TVP23A: variants seen among roughly 807,000 people sequenced by gnomAD.
TVP23A encodes the protein Golgi apparatus membrane protein TVP23 homolog A.
A neutral mutation model predicts 31.7 loss-of-function variants in TVP23A; 21 were observed. The ratio of observed to expected loss-of-function variants is 0.66; its 90% CI spans 0.47 to 0.95. TVP23A has a LOEUF of 0.95. TVP23A is among the 40% of genes least tolerant of loss of function. The pLI is 0.00. For synonymous variants in TVP23A, 104 were observed against 96.0 expected (o/e 1.08, Z -0.49); for missense variants, 279 against 255.6 (o/e 1.09, Z -0.62).
At chr16:10,806,650 T>C (rs769071552) in intron 2 of TVP23A, among the ~76,000 whole-genome samples, 40 of 152,132 alleles carry the variant, frequency 2.6e-4, no homozygotes, top group Non-Finnish European at 1.8e-4. Context: ...TACAGGCGCC[T>C]GCCATCACGT....
intron 2 of TVP23A, among the ~76,000 whole-genome samples, chr16:10,794,540 G>C (rs2033280067): frequency 6.6e-6 from 1 of 152,230 alleles, no homozygotes; most frequent in South Asian, 2.1e-4. Context: ...ATGAGCCAGA[G>C]AAAATAAGTG....
At chr16:10,783,955 G>C (rs546532103) in intron 2 of TVP23A, among the ~76,000 whole-genome samples, 1 of 152,164 alleles carries the variant, frequency 6.6e-6, no homozygotes, top group Non-Finnish European at 1.5e-5. Context: ...TGCATAGGTG[G>C]AGCAGAGGGG....
intron 2 of TVP23A, among the ~76,000 whole-genome samples, chr16:10,807,186 A>C (rs1259304464): frequency 6.6e-6 from 1 of 152,132 alleles, no homozygotes; most frequent in African/African-American, 2.4e-5. Context: ...AACAAAGAAA[A>C]ACTAAAAATC....
intron 2 of TVP23A, among the ~76,000 whole-genome samples, chr16:10,782,549 C>T (rs1408555185): frequency 6.6e-6 from 1 of 152,178 alleles, no homozygotes; most frequent in Non-Finnish European, 1.5e-5. Flanking sequence ...GTCTCCCAGG[C>T]TGGAGTGCAG....
exon 9 of TVP23A, chr16:10,761,408 CA>C (rs760375953): frequency 1.2e-6 from 2 of 1,614,136 alleles, no homozygotes; most frequent in South Asian, 2.2e-5. Flanking sequence ...ACTTCTGCCG[CA>C]AGGTGAAGCT....
At chr16:10,803,918 T>G (rs973794686) in intron 2 of TVP23A, among the ~76,000 whole-genome samples, 5 of 152,224 alleles carry the variant, frequency 3.3e-5, no homozygotes, top group Non-Finnish European at 7.3e-5. Flanking sequence ...ACCTTGTAAA[T>G]ATACTAAAAC....
intron 2 of TVP23A, among the ~76,000 whole-genome samples, chr16:10,814,724 CA>C (rs1483987971): frequency 1.3e-5 from 2 of 152,220 alleles, no homozygotes; most frequent in African/African-American, 4.8e-5. Flanking sequence ...ATTTGTCCCT[CA>C]GGCGCCCTGG....
At chr16:10,802,518 G>A (rs1054992118) in intron 2 of TVP23A, among the ~76,000 whole-genome samples, 69 of 152,144 alleles carry the variant, frequency 4.5e-4, no homozygotes, top group Middle Eastern at 3.4e-3. Context: ...GAGCTCAAGC[G>A]ATCCTCTCGC....
intron 2 of TVP23A, among the ~76,000 whole-genome samples, chr16:10,800,829 A>C (rs1025843859): frequency 6.6e-6 from 1 of 151,812 alleles, no homozygotes; most frequent in Admixed American, 6.6e-5. Context: ...ACTAAAAATA[A>C]TTTTTTAAAA....
chr16:10,766,789 A>G lies in TVP23A; in HGVS notation c.*2313T>C, dbSNP rs1231292343. The G allele has an allele frequency of 1.0e-5, 4 of 397,222 alleles. No homozygotes were observed. Among genetic ancestry groups the G allele is most frequent in the Admixed American group, 4.4e-5 (1 of 22,704 alleles). The allele number at this position is 397,222 out of a possible 1,614,324, so 24.6% of individuals were successfully genotyped here. On this transcript the variant is annotated 3_prime_UTR_variant, in exon 8 of 8. Coordinates refer to ENST00000299866, the MANE Select transcript of TVP23A (RefSeq NM_001079512.4). The surrounding 1 kb of genome is among the most constrained non-coding windows in gnomAD (Gnocchi z 4.8). The stretch of plus-strand genomic sequence containing the variant: ...CCCATTACAGAGTTTTTGTGTTTAA[A>G]TACCCTCTACTTGAGGTACGCCCTA...
In TVP23A at chr16:10,806,107, C is replaced by T. The variant is rs527522552; in HGVS notation, c.89+11996G>A. On this transcript the variant is annotated intron_variant, in intron 2 of 7. Transcript: ENST00000299866. Reference sequence around the variant, plus strand: ...CCTTAATCCCTAGCACTTTGGGAGGCTGAGGCGGATGGATTGCTGGAGGTC... The same window carrying T: ...CCTTAATCCCTAGCACTTTGGGAGGTTGAGGCGGATGGATTGCTGGAGGTC... Among the ~76,000 whole-genome samples the T allele has an allele frequency of 6.6e-5, 10 of 152,296 alleles. No individual in the cohort carries two copies. In the East Asian group the frequency reaches 1.9e-3, roughly 29 times the overall value.
At chr16:10,757,781 A>G (rs1900657539), downstream of TVP23A, 12 of 1,511,318 alleles carry the variant, frequency 7.9e-6, no homozygotes, top group Non-Finnish European at 1.1e-5. This position sits in a 1 kb window ranked among gnomAD's most constrained non-coding sequence, Gnocchi z 4.1. Context: ...TGGGCAACAT[A>G]GCAAGACCCC....
intron 2 of TVP23A, among the ~76,000 whole-genome samples, chr16:10,816,078 A>T (rs929254820): frequency 6.6e-6 from 1 of 152,072 alleles, no homozygotes; most frequent in African/African-American, 2.4e-5. Flanking sequence ...TTTTTAAAAA[A>T]TTAGCCTGGC....
chr16:10,762,081 G>C (rs1425695478), downstream of TVP23A: 1 of 484,652 alleles, frequency 2.1e-6, no homozygotes, highest in Non-Finnish European at 3.7e-6. Flanking sequence ...CTCAGGCAGA[G>C]GGGTGAGGCC....
intron 2 of TVP23A, among the ~76,000 whole-genome samples, chr16:10,796,859 G>A (rs150232378): frequency 4.6e-5 from 7 of 152,300 alleles, no homozygotes; most frequent in African/African-American, 1.7e-4. Context: ...GGATAGGGAC[G>A]CTGGCTAAAT....
intron 2 of TVP23A, among the ~76,000 whole-genome samples, chr16:10,797,838 C>T (rs759496032): frequency 6.6e-5 from 10 of 151,328 alleles, no homozygotes; most frequent in Non-Finnish European, 1.3e-4. Context: ...GATAGAAATG[C>T]GAAATGATTG....
intron 2 of TVP23A, among the ~76,000 whole-genome samples, chr16:10,785,156 G>T (rs140019083): frequency 0.011 from 1,589 of 150,012 alleles, 26 homozygotes; most frequent in African/African-American, 0.03. Flanking sequence ...TATAATCCCA[G>T]CACTTTGGGA....
Position 10,767,939 on chromosome 16 carries a change from C to T in TVP23A, c.*1163G>A, listed in dbSNP as rs1555476751. On this transcript the variant is annotated 3_prime_UTR_variant, in exon 8 of 8. Transcript: ENST00000299866. The surrounding 1 kb of genome is among the most constrained non-coding windows in gnomAD (Gnocchi z 4.6). ...GGACTGAATTGTCTTCCGTTTGTTT[C>T]TTTTTTAAGGTAAGAATTGTGACAA... 6.2e-7 allele frequency: 1 copy of T among 1,613,884 alleles called. No individual in the cohort carries two copies. Among genetic ancestry groups the T allele is most frequent in the Non-Finnish European group, 8.5e-7 (1 of 1,179,818 alleles).
At chr16:10,801,643 A>C (rs764627425) in intron 2 of TVP23A, among the ~76,000 whole-genome samples, 3 of 152,076 alleles carry the variant, frequency 2.0e-5, no homozygotes, top group Non-Finnish European at 4.4e-5. Flanking sequence ...TTTAGTAGAG[A>C]TGGGGTTTCA....
Sources: allele counts gnomAD v4.1 joint callset (sites outside exome capture counted in the v4.1 genomes callset), GRCh38; gene constraint gnomAD v4.1.1; non-coding constraint Gnocchi (gnomAD v3.1); transcripts MANE v1.5; gene names NCBI Gene and HGNC (gene_info 2026-07-23, HGNC 2026-07-21).